Variants in DPP6 observed in about 807,000 individuals in gnomAD.
DPP6 encodes the protein dipeptidyl peptidase like 6.
DPP6 carries 69 observed loss-of-function variants against 122.6 expected under a neutral mutation model. That is an observed-to-expected ratio of 0.56 (90% CI 0.46 to 0.69). The LOEUF (loss-of-function observed/expected upper bound fraction) is 0.69, where lower values mean the gene tolerates loss of function less well. DPP6 is among the 30% of genes least tolerant of loss of function. The pLI, the probability that DPP6 is intolerant of heterozygous loss-of-function variation, is 0.00. For synonymous variants in DPP6, 418 were observed against 433.1 expected (o/e 0.97, Z 0.43); for missense variants, 928 against 1,116.9 (o/e 0.83, Z 2.41).
At chr7:154,439,208 A>G (rs992751063) in intron 1 of DPP6, among the ~76,000 whole-genome samples, 3 of 152,242 alleles carry the variant, frequency 2.0e-5, no homozygotes, top group African/African-American at 4.8e-5. Flanking sequence ...TCTACCCAGT[A>G]TAGAAAACTC....
chr7:154,384,346 G>A (rs1441823955), intron 1 of DPP6, among the ~76,000 whole-genome samples: 5 of 152,206 alleles, frequency 3.3e-5, no homozygotes. Flanking sequence ...ATGCCTCTGG[G>A]AGAAGGAGGT....
At chr7:154,797,773 C>T (rs6976648) in intron 12 of DPP6, among the ~76,000 whole-genome samples, 123,426 of 152,188 alleles carry the variant, frequency 0.81, 50,596 homozygotes, top group African/African-American at 0.94. Context: ...TTTATTAGTA[C>T]GTTTTCTTTT....
rs943478878 is a variant in DPP6, at chr7:153,969,388, A to G, written c.51+81654A>G. On this transcript the variant is annotated intron_variant, in intron 1 of 25. Transcript: ENST00000404039. ...TTTGTTCGAGCTGCTTTAACAGAAG[A>G]GCGGCTTTTTGGGATAAATTTCTCA... Among the ~76,000 whole-genome samples the G allele has an allele frequency of 1.7e-4, 25 of 147,020 alleles. 2 individuals are homozygous for G. The highest frequency in any genetic ancestry group is 6.7e-4 in the African/African-American group (25 of 37,152).
intron 1 of DPP6, chr7:154,057,656 T>C (rs1307474272): frequency 6.6e-6 from 1 of 150,568 alleles, no homozygotes; most frequent in East Asian, 1.9e-4. Flanking sequence ...GTTGCAGTAT[T>C]AGCCAAGCCT....
intron 1 of DPP6, among the ~76,000 whole-genome samples, chr7:154,337,086 T>C (rs936135890): frequency 6.6e-6 from 1 of 152,170 alleles, no homozygotes; most frequent in African/African-American, 2.4e-5. Context: ...ACATCCCAGG[T>C]ATAGAAAGTT....
intron 1 of DPP6, among the ~76,000 whole-genome samples, chr7:153,984,458 T>A (rs1164725436): frequency 1.3e-5 from 2 of 152,198 alleles, no homozygotes; most frequent in Non-Finnish European, 2.9e-5. Context: ...ACAAACTTTT[T>A]TTCTTCCCTT....
chr7:153,908,029 GTTT>G (rs34826354), intron 1 of DPP6, among the ~76,000 whole-genome samples: 1 of 113,914 alleles, frequency 8.8e-6, no homozygotes, highest in African/African-American at 3.3e-5. Context: ...GAGGCTGGAA[GTTT>G]TTTTTTTTTT....
chr7:154,752,924 C>G (rs1843468349), intron 8 of DPP6, among the ~76,000 whole-genome samples: 1 of 152,072 alleles, frequency 6.6e-6, no homozygotes, highest in South Asian at 2.1e-4. Context: ...GATTCTGTTC[C>G]CCTTGAGCCA....
intron 1 of DPP6, among the ~76,000 whole-genome samples, chr7:154,357,024 A>AC (rs1197115836): frequency 6.6e-6 from 1 of 152,194 alleles, no homozygotes; most frequent in East Asian, 1.9e-4. Context: ...CAAAAGTTTT[A>AC]CCCACACCTA....
intron 1 of DPP6, among the ~76,000 whole-genome samples, chr7:154,373,684 G>A (rs1586089537): frequency 1.3e-5 from 2 of 150,504 alleles, no homozygotes; most frequent in African/African-American, 2.4e-5. Context: ...CAGTTCAGTG[G>A]CATGAGGGCA....
At chr7:154,493,196 A>C (rs1824437000) in intron 3 of DPP6, among the ~76,000 whole-genome samples, 1 of 152,322 alleles carries the variant, frequency 6.6e-6, no homozygotes, top group South Asian at 2.1e-4. Flanking sequence ...ATCTCCTTGA[A>C]GTTTATGCTT....
At position 154,774,572 on chromosome 7, in the gene DPP6, G is replaced by A. The variant is rs61645553; in HGVS notation, c.1136+1630G>A. On this transcript the variant is annotated intron_variant, in intron 10 of 25. Transcript: ENST00000377770. ...TGGATGCTGGGCTTCAGGTTTTCTG[G>A]TTGCTCTCATTTCCTAAGCTCAATG... Among the ~76,000 whole-genome samples, 728 of 152,288 alleles carry A rather than the reference G, an allele frequency of 4.8e-3. 7 individuals carry two copies. Among genetic ancestry groups the A allele is most frequent in the African/African-American group, 0.017 (710 of 41,552 alleles).
At chr7:154,177,384 G>T (rs1797858657) in intron 1 of DPP6, among the ~76,000 whole-genome samples, 1 of 152,208 alleles carries the variant, frequency 6.6e-6, no homozygotes, top group African/African-American at 2.4e-5. Context: ...GACTGTAAGT[G>T]TTAAGACTTG....
At chr7:153,883,897 C>A (rs1482542835), upstream of DPP6, among the ~76,000 whole-genome samples, 1 of 152,202 alleles carries the variant, frequency 6.6e-6, no homozygotes, top group Non-Finnish European at 1.5e-5. Flanking sequence ...GCAGGAGGAG[C>A]AGAACACAGC....
chr7:153,961,558 G>A (rs1359326336), intron 1 of DPP6, among the ~76,000 whole-genome samples: 4 of 151,308 alleles, frequency 2.6e-5, no homozygotes, highest in Admixed American at 6.6e-5. Flanking sequence ...TCCATGGACC[G>A]GGGAGTGGGG....
intron 7 of DPP6, among the ~76,000 whole-genome samples, chr7:154,706,691 A>G (rs1236667316): frequency 1.3e-5 from 2 of 152,258 alleles, no homozygotes; most frequent in East Asian, 3.9e-4. Flanking sequence ...CTTCAAGTGG[A>G]CACTGAACAC....
chr7:154,215,056 C>G (rs762640011), intron 1 of DPP6, among the ~76,000 whole-genome samples: 16 of 152,270 alleles, frequency 1.1e-4, no homozygotes, highest in Non-Finnish European at 2.4e-4. Flanking sequence ...CCCATTTTCA[C>G]AGTGCTATAA....
At chr7:153,886,020 T>G (rs1231928228), upstream of DPP6, among the ~76,000 whole-genome samples, 1 of 152,074 alleles carries the variant, frequency 6.6e-6, no homozygotes, top group Non-Finnish European at 1.5e-5. Context: ...AACGGAGATT[T>G]TTTTGTGAAT....
chr7:154,077,734 G>C (rs1039113642), intron 1 of DPP6, among the ~76,000 whole-genome samples: 1 of 150,702 alleles, frequency 6.6e-6, no homozygotes, highest in Non-Finnish European at 1.5e-5. Context: ...GCAGTGGTGT[G>C]ATCTGAGCTC....
Sources: gnomAD v4.1 joint callset for allele counts (sites outside exome capture counted in the v4.1 genomes callset) on GRCh38, gnomAD v4.1.1 for gene constraint, MANE v1.5 for transcripts, NCBI Gene and HGNC (gene_info 2026-07-23, HGNC 2026-07-21) for gene names.